The following RNF144A variants were observed in gnomAD, a reference collection of about 807,000 sequenced individuals.
The protein encoded by RNF144A is E3 ubiquitin-protein ligase RNF144A.
RNF144A carries 11 observed loss-of-function variants against 38.7 expected under a neutral mutation model. The observed-to-expected ratio is 0.28, with a 90% CI of 0.18 to 0.47. RNF144A has a LOEUF of 0.47. RNF144A is among the 20% of genes least tolerant of loss of function. RNF144A has a pLI of 0.99. For missense variants in RNF144A, 316 were observed against 377.2 expected (o/e 0.84, Z 1.34); for synonymous variants, 149 against 143.9 (o/e 1.04, Z -0.25).
At chr2:6,989,307 T>TGACC (rs374424711) in intron 2 of RNF144A, among the ~76,000 whole-genome samples, 41,817 of 151,964 alleles carry the variant, frequency 0.28, 6,099 homozygotes, top group Non-Finnish European at 0.34. Flanking sequence ...ATCTGAGACC[T>TGACC]TCCACTCCAA....
Position 6,962,023 on chromosome 2 carries a change from G to A in RNF144A, c.-12+20876G>A, listed in dbSNP as rs1313797428. 6.6e-6 allele frequency among the ~76,000 whole-genome samples: 1 copy of A among 152,214 alleles called. No individual in the cohort carries two copies. The highest frequency in any genetic ancestry group is 1.5e-5 in the Non-Finnish European group (1 of 68,030). ...ACATACGAAGAGTGAGGTTGACAGT[G>A]GAAGTTTAATAGGTGAAAGAAAGAG... On this transcript the variant is annotated intron_variant, in intron 2 of 8. Transcript: ENST00000320892. This position sits in a 1 kb window ranked among gnomAD's most constrained non-coding sequence, Gnocchi z 4.1.
chr2:7,040,546 G>C lies in RNF144A; in HGVS notation c.*786G>C. Reference sequence around the variant, plus strand: ...TTGCCTTTTGTTGTTTTCTCTCTTTGGTGATTCAGCTCAGCTCATGGGCCT... The same window carrying C: ...TTGCCTTTTGTTGTTTTCTCTCTTTCGTGATTCAGCTCAGCTCATGGGCCT... On this transcript the variant is annotated 3_prime_UTR_variant, in exon 9 of 9. Transcript: ENST00000320892. 1 of 985,378 alleles carries C rather than the reference G, an allele frequency of 1.0e-6. No homozygotes were observed. The highest frequency in any genetic ancestry group is 1.2e-6 in the Non-Finnish European group (1 of 829,928). 61.0% of individuals were successfully genotyped at this position (985,378 alleles called of 1,614,324 possible).
In RNF144A at chr2:7,040,191, C is replaced by A. The variant is rs1011940896; in HGVS notation, c.*431C>A. ...TGATTATTCCAGCTTGAGAGAAGCA[C>A]TCTGTTTATGACAACTGTTTTTATT... On this transcript the variant is annotated 3_prime_UTR_variant, in exon 9 of 9. Coordinates refer to ENST00000320892, the MANE Select transcript of RNF144A (RefSeq NM_014746.6). The A allele has an allele frequency of 2.6e-5, 26 of 989,340 alleles. No homozygotes were observed. The African/African-American group carries it at 3.7e-4, about 14-fold the overall frequency. The allele number at this position is 989,340 out of a possible 1,614,324, so 61.3% of individuals were successfully genotyped here. A position where few individuals can be genotyped will look rare whatever the true frequency, so the allele number is the denominator to read the frequency against.
chr2:6,949,706 T>C (rs1422428626), intron 2 of RNF144A, among the ~76,000 whole-genome samples: 1 of 152,180 alleles, frequency 6.6e-6, no homozygotes, highest in East Asian at 1.9e-4. Flanking sequence ...TTTCAATTCA[T>C]TGACAAATCA....
intron 5 of RNF144A, among the ~76,000 whole-genome samples, chr2:7,018,161 C>T (rs896230664): frequency 3.3e-5 from 5 of 152,188 alleles, no homozygotes; most frequent in Non-Finnish European, 5.9e-5. Flanking sequence ...GAAGCTCCTA[C>T]TGCACAGGAG....
chr2:7,009,088 A>AGGT (rs954252588), intron 3 of RNF144A, among the ~76,000 whole-genome samples: 5 of 152,118 alleles, frequency 3.3e-5, no homozygotes, highest in African/African-American at 1.2e-4. Flanking sequence ...GCAGGAGATG[A>AGGT]GGTGTGCACT....
At chr2:6,924,867 T>A (rs1664761246) in intron 1 of RNF144A, among the ~76,000 whole-genome samples, 1 of 152,248 alleles carries the variant, frequency 6.6e-6, no homozygotes. Flanking sequence ...GTGCCCATGG[T>A]CTGTGGTGCC....
chr2:6,943,140 CTGTT>C lies in RNF144A; in HGVS notation c.-12+1996_-12+1999del, dbSNP rs1333967316. 1.3e-5 allele frequency among the ~76,000 whole-genome samples: 2 copies of C among 152,170 alleles called. No individual in the cohort carries two copies. The highest frequency in any genetic ancestry group is 2.1e-4 in the South Asian group (1 of 4,830). On this transcript the variant is annotated intron_variant, in intron 2 of 8. Coordinates refer to ENST00000320892, the MANE Select transcript of RNF144A (RefSeq NM_014746.6). This position sits in a 1 kb window ranked among gnomAD's most constrained non-coding sequence, Gnocchi z 4.3. ...GAGATGTGATAGGAGTCTTTGGCCT[CTGTT>C]TGGTATTTCAAGGAATAAGATCAGA...
chr2:7,000,010 C>T (rs1003401858), intron 3 of RNF144A, among the ~76,000 whole-genome samples: 1 of 152,158 alleles, frequency 6.6e-6, no homozygotes. Context: ...TACCTGTGTT[C>T]CTTCAATGTA....
At chr2:7,020,959 C>T (rs561809995) in intron 6 of RNF144A, among the ~76,000 whole-genome samples, 2 of 152,288 alleles carry the variant, frequency 1.3e-5, no homozygotes, top group South Asian at 4.1e-4. Flanking sequence ...CAAATGCATG[C>T]GTGGTTTGTT....
chr2:6,974,764 A>G (rs762224669), intron 2 of RNF144A, among the ~76,000 whole-genome samples: 10 of 152,198 alleles, frequency 6.6e-5, no homozygotes, highest in Admixed American at 1.3e-4. Context: ...TCAGGTTTTA[A>G]ATTAAGAAGA....
intron 2 of RNF144A, among the ~76,000 whole-genome samples, chr2:6,989,174 T>C (rs535807522): frequency 6.6e-6 from 1 of 152,348 alleles, no homozygotes; most frequent in South Asian, 2.1e-4. Flanking sequence ...CATATGTATG[T>C]ACACTAACCG....
At chr2:7,072,383 A>G (rs1159774867), downstream of RNF144A, among the ~76,000 whole-genome samples, 3 of 152,240 alleles carry the variant, frequency 2.0e-5, no homozygotes, top group South Asian at 2.1e-4. Flanking sequence ...TGTGGAAGGT[A>G]TGGCCTGGTT....
rs1490902962 is a variant in RNF144A at position 6,943,843 on chromosome 2, C to T, written c.-12+2696C>T. Among the ~76,000 whole-genome samples, 1 of 152,082 alleles carries T rather than the reference C, an allele frequency of 6.6e-6. No individual in the cohort carries two copies. The highest frequency in any genetic ancestry group is 6.5e-5 in the Admixed American group (1 of 15,272). On this transcript the variant is annotated intron_variant, in intron 2 of 8. Coordinates refer to ENST00000320892, the MANE Select transcript of RNF144A (RefSeq NM_014746.6). The surrounding 1 kb of genome is among the most constrained non-coding windows in gnomAD (Gnocchi z 4.3). The stretch of plus-strand genomic sequence containing the variant: ...GAGAGGGATTGGAAGTTTGCAGAGA[C>T]CAGGAGGCAGCAGAAAGTCCTCTAG...
In RNF144A at chr2:6,944,537, C is replaced by T. The variant is rs929386923; in HGVS notation, c.-12+3390C>T. Among the ~76,000 whole-genome samples, 4 of 152,118 alleles carry T rather than the reference C, an allele frequency of 2.6e-5. No homozygotes were observed. Among genetic ancestry groups the T allele is most frequent in the East Asian group, 1.9e-4 (1 of 5,200 alleles). ...AGTTGCCATTTGAAGTTACCCCTCC[C>T]GCTTTCTCTTCCATTCCTTGGAAGA... On this transcript the variant is annotated intron_variant, in intron 2 of 8. Coordinates refer to ENST00000320892, the MANE Select transcript of RNF144A (RefSeq NM_014746.6). The surrounding 1 kb of genome is among the most constrained non-coding windows in gnomAD (Gnocchi z 4.7).
intron 8 of RNF144A, among the ~76,000 whole-genome samples, chr2:7,039,205 A>G (rs1672885000): frequency 6.7e-6 from 1 of 149,600 alleles, no homozygotes; most frequent in African/African-American, 2.5e-5. Flanking sequence ...AGATGGGTAG[A>G]TGGATGGATG....
At chr2:6,925,275 C>T (rs1664785395) in intron 1 of RNF144A, among the ~76,000 whole-genome samples, 1 of 152,216 alleles carries the variant, frequency 6.6e-6, no homozygotes, top group East Asian at 1.9e-4. Context: ...AGGCCCTTCT[C>T]TCTTCTTCTT....
Position 7,043,711 on chromosome 2 carries a change from T to TA in RNF144A, c.*3957dup. The TA allele has an allele frequency of 2.0e-6, 2 of 985,880 alleles. No homozygotes were observed. Among genetic ancestry groups the TA allele is most frequent in the South Asian group, 9.4e-5 (2 of 21,286 alleles). 61.1% of individuals were successfully genotyped at this position (985,880 alleles called of 1,614,324 possible). On this transcript the variant is annotated 3_prime_UTR_variant, in exon 9 of 9. Transcript: ENST00000320892. ...TAGGAGAGCATGCCGTCTTGATGTT[T>TA]AAAAAACCCAGGGTCTCCACCCTTC...
At chr2:7,018,437 G>A (rs187451117) in intron 5 of RNF144A, among the ~76,000 whole-genome samples, 3 of 152,324 alleles carry the variant, frequency 2.0e-5, no homozygotes, top group East Asian at 1.9e-4. Flanking sequence ...TCGCGGGGAC[G>A]GGATGGGAGC....
Sources: gnomAD v4.1 joint callset for allele counts (sites outside exome capture counted in the v4.1 genomes callset) on GRCh38, gnomAD v4.1.1 for gene constraint, Gnocchi (gnomAD v3.1) non-coding constraint, MANE v1.5 for transcripts, NCBI Gene and HGNC (gene_info 2026-07-23, HGNC 2026-07-21) for gene names.